The following MACROD2 variants were observed in gnomAD, a reference collection of about 807,000 sequenced individuals.
MACROD2 encodes the protein mono-ADP ribosylhydrolase 2.
MACROD2 carries 36 observed loss-of-function variants against 70.4 expected under a neutral mutation model. The observed-to-expected ratio is 0.51, with a 90% CI of 0.39 to 0.68. MACROD2 has a LOEUF of 0.68. Among genes scored for constraint, MACROD2 ranks in the 30% least tolerant of loss-of-function variants. The pLI, the probability that MACROD2 is intolerant of heterozygous loss-of-function variation, is 0.00. For missense variants in MACROD2, 496 were observed against 538.4 expected (o/e 0.92, Z 0.78); for synonymous variants, 172 against 178.8 (o/e 0.96, Z 0.30).
chr20:14,713,362 A>G (rs1010638590), intron 5 of MACROD2, among the ~76,000 whole-genome samples: 1 of 152,184 alleles, frequency 6.6e-6, no homozygotes, highest in Non-Finnish European at 1.5e-5. Context: ...GATCTGTTTG[A>G]ACGTAAGTGG....
At chr20:14,678,313 C>A (rs1288464975) in intron 4 of MACROD2, among the ~76,000 whole-genome samples, 1 of 152,122 alleles carries the variant, frequency 6.6e-6, no homozygotes, top group Non-Finnish European at 1.5e-5. Context: ...CCTAAAATTA[C>A]AAGAGTGTTT....
chr20:14,803,469 T>G (rs1432933889), intron 5 of MACROD2, among the ~76,000 whole-genome samples: 1 of 152,018 alleles, frequency 6.6e-6, no homozygotes, highest in Non-Finnish European at 1.5e-5. Flanking sequence ...AAATATTTTA[T>G]AGTATATTTT....
At chr20:14,819,030 C>T (rs1251189107) in intron 5 of MACROD2, among the ~76,000 whole-genome samples, 3 of 151,350 alleles carry the variant, frequency 2.0e-5, no homozygotes, top group East Asian at 1.9e-4. Flanking sequence ...TTTGGGAGGC[C>T]GAGGTGGGTG....
chr20:14,382,495 C>G (rs548582175), intron 3 of MACROD2, among the ~76,000 whole-genome samples: 2 of 151,610 alleles, frequency 1.3e-5, no homozygotes, highest in Admixed American at 1.3e-4. Flanking sequence ...GTGGAGAAAC[C>G]CTGTCTCTAC....
intron 16 of MACROD2, among the ~76,000 whole-genome samples, chr20:16,042,658 A>G (rs571189984): frequency 3.0e-4 from 45 of 152,166 alleles, no homozygotes; most frequent in African/African-American, 1.1e-3. Flanking sequence ...ACTCTCCTGT[A>G]TTTTATCCTG....
intron 7 of MACROD2, among the ~76,000 whole-genome samples, chr20:15,460,138 G>A (rs1040064592): frequency 6.6e-6 from 1 of 152,150 alleles, no homozygotes; most frequent in African/African-American, 2.4e-5. Flanking sequence ...ACGAAGGTTT[G>A]TAGTTGTTTT....
Position 14,246,437 on chromosome 20 carries a change from C to T in MACROD2, c.271+160709C>T, listed in dbSNP as rs560524567. Among the ~76,000 whole-genome samples the T allele has an allele frequency of 3.4e-4, 52 of 152,252 alleles. No individual in the cohort carries two copies. The South Asian group carries it at 7.5e-3, about 22-fold the overall frequency. ...GGAAATTCCTCCCTCTATTTAATAA[C>T]GGAGAAAAATCCAGTCATCTCTGAG... On this transcript the variant is annotated intron_variant, in intron 3 of 17. Transcript: ENST00000684519.
intron 5 of MACROD2, among the ~76,000 whole-genome samples, chr20:14,798,559 A>C (rs1381486873): frequency 1.3e-5 from 2 of 152,088 alleles, no homozygotes; most frequent in African/African-American, 2.4e-5. Context: ...TGGAACCTTA[A>C]TGGTTGTGTA....
chr20:15,471,140 A>G (rs890738561), intron 7 of MACROD2, among the ~76,000 whole-genome samples: 3 of 152,112 alleles, frequency 2.0e-5, no homozygotes, highest in Non-Finnish European at 4.4e-5. Context: ...ACTGCTACTC[A>G]TATTTTCCAA....
rs574245282 is a variant in MACROD2, at chr20:14,392,015, G to A, written c.272-101464G>A. On this transcript the variant is annotated intron_variant, in intron 3 of 17. Coordinates refer to ENST00000684519, the MANE Select transcript of MACROD2 (RefSeq NM_001351661.2). ...AAAAAAATTAAGTTTTCTGCCTTAG[G>A]AATGCGACTTCTTTTTTTTTCAAAG... Among the ~76,000 whole-genome samples, 13 of 151,480 alleles carry A rather than the reference G, an allele frequency of 8.6e-5. No homozygotes were observed. The South Asian group carries it at 2.5e-3, about 29-fold the overall frequency.
At chr20:15,081,970 T>C (rs549690471) in intron 5 of MACROD2, among the ~76,000 whole-genome samples, 9 of 152,292 alleles carry the variant, frequency 5.9e-5, no homozygotes, top group Non-Finnish European at 1.0e-4. Flanking sequence ...CCAGGAGGTA[T>C]GAAAATGGAT....
chr20:14,422,986 G>A (rs1271271601), intron 3 of MACROD2, among the ~76,000 whole-genome samples: 2 of 152,120 alleles, frequency 1.3e-5, no homozygotes, highest in African/African-American at 4.8e-5. Context: ...TATCAGCCCC[G>A]CCCACACTTT....
intron 5 of MACROD2, among the ~76,000 whole-genome samples, chr20:15,060,855 A>G (rs2075526886): frequency 6.6e-6 from 1 of 152,212 alleles, no homozygotes; most frequent in African/African-American, 2.4e-5. Flanking sequence ...CCCATGAGTA[A>G]TAGGAACTTC....
rs73597737 is a variant in MACROD2 at position 15,966,916 on chromosome 20, C to T, written c.908-637C>T. ...TTGTAGTTTTGCAATAGCCCATAGT[C>T]ACAGAATCCTTTTAGCCATGTTAAA... is the stretch of plus-strand genomic sequence containing the variant. On this transcript the variant is annotated intron_variant, in intron 12 of 17. Coordinates refer to ENST00000684519, the MANE Select transcript of MACROD2 (RefSeq NM_001351661.2). Among the ~76,000 whole-genome samples the T allele has an allele frequency of 5.3e-3, 807 of 152,228 alleles. 2 individuals are homozygous for T. Among genetic ancestry groups the T allele is most frequent in the East Asian group, 0.014 (71 of 5,186 alleles).
At chr20:15,627,055 G>C (rs2146742861) in intron 8 of MACROD2, among the ~76,000 whole-genome samples, 1 of 152,226 alleles carries the variant, frequency 6.6e-6, no homozygotes, top group South Asian at 2.1e-4. Context: ...ACTGAGATTT[G>C]AAATGCTCTT....
intron 15 of MACROD2, among the ~76,000 whole-genome samples, chr20:16,005,779 C>G (rs1486889164): frequency 6.6e-6 from 1 of 152,170 alleles, no homozygotes; most frequent in African/African-American, 2.4e-5. Flanking sequence ...GCTTGTGTGT[C>G]CTGCCTTTCC....
intron 3 of MACROD2, among the ~76,000 whole-genome samples, chr20:14,094,524 A>C (rs1351397559): frequency 6.6e-6 from 1 of 151,830 alleles, no homozygotes; most frequent in Non-Finnish European, 1.5e-5. Flanking sequence ...GTTTTCCTGG[A>C]TCTCTCTGTA....
chr20:14,688,530 T>G (rs1308389893), intron 5 of MACROD2, among the ~76,000 whole-genome samples: 2 of 152,170 alleles, frequency 1.3e-5, no homozygotes. Flanking sequence ...AAAGAAATCT[T>G]AAGGGTAGAA....
At chr20:15,905,812 C>T (rs1230152041) in intron 10 of MACROD2, among the ~76,000 whole-genome samples, 3 of 152,174 alleles carry the variant, frequency 2.0e-5, no homozygotes, top group Non-Finnish European at 4.4e-5. Context: ...CCTGGATTCA[C>T]GCCACACTCT....
Sources: gnomAD v4.1 joint callset for allele counts (sites outside exome capture counted in the v4.1 genomes callset) on GRCh38, gnomAD v4.1.1 for gene constraint, MANE v1.5 for transcripts, NCBI Gene and HGNC (gene_info 2026-07-23, HGNC 2026-07-21) for gene names.